ARHGAP26: variants seen among roughly 807,000 people sequenced by gnomAD.
The protein encoded by ARHGAP26 is rho GTPase-activating protein 26.
ARHGAP26 carries 38 observed loss-of-function variants against 104.8 expected under a neutral mutation model. The observed-to-expected ratio is 0.36, with a 90% CI of 0.28 to 0.48. The LOEUF (loss-of-function observed/expected upper bound fraction) is 0.48. Ranked by LOEUF, ARHGAP26 falls within the 20% of genes least tolerant of loss-of-function variation. The pLI, the probability that ARHGAP26 is intolerant of heterozygous loss-of-function variation, is 0.99. For missense variants in ARHGAP26, 704 were observed against 947.9 expected (o/e 0.74, Z 3.38); for synonymous variants, 341 against 340.0 (o/e 1.00, Z -0.03).
chr5:143,134,226 A>G, intron 19 of ARHGAP26, 121 bp downstream of exon 19: 1 of 1,222,016 alleles, frequency 8.2e-7, no homozygotes, highest in South Asian at 2.0e-5. Context: ...GTCCTTGAAG[A>G]CTGTATCATT....
intron 17 of ARHGAP26, among the ~76,000 whole-genome samples, chr5:143,066,531 T>C (rs1787516552): frequency 6.6e-6 from 1 of 152,220 alleles, no homozygotes; most frequent in African/African-American, 2.4e-5. Flanking sequence ...TACAATCTGT[T>C]GGAGAAATCC....
At chr5:143,175,900 G>T (rs746944819) in intron 20 of ARHGAP26, among the ~76,000 whole-genome samples, 2 of 152,142 alleles carry the variant, frequency 1.3e-5, no homozygotes, top group African/African-American at 2.4e-5. Context: ...GATCAACTGA[G>T]GTCAGGAGTT....
intron 1 of ARHGAP26, among the ~76,000 whole-genome samples, chr5:142,786,739 C>T (rs1399333572): frequency 3.4e-5 from 5 of 149,098 alleles, no homozygotes; most frequent in Admixed American, 2.7e-4. Flanking sequence ...CTCCGCCTCC[C>T]GGGCTGAAGC....
chr5:142,902,101 A>T (rs1227559987), intron 7 of ARHGAP26, 62 bp downstream of exon 7: 12 of 1,447,064 alleles, frequency 8.3e-6, no homozygotes, highest in Non-Finnish European at 1.2e-5. Flanking sequence ...TATGGGCCTG[A>T]TTGCCCTAGA....
intron 12 of ARHGAP26, among the ~76,000 whole-genome samples, chr5:143,026,706 C>T (rs1052513273): frequency 1.3e-5 from 2 of 150,504 alleles, no homozygotes; most frequent in Admixed American, 1.3e-4. Flanking sequence ...GAAGAGAAGT[C>T]ACTGGAGAGT....
intron 1 of ARHGAP26, among the ~76,000 whole-genome samples, chr5:142,792,635 C>T (rs1760093643): frequency 6.6e-6 from 1 of 152,132 alleles, no homozygotes; most frequent in Non-Finnish European, 1.5e-5. Context: ...ATCTCTATCC[C>T]CATTGACTTC....
At chr5:143,213,847 C>T (rs552018737) in intron 21 of ARHGAP26, 150 bp from the exon 22 acceptor site, 33 of 458,400 alleles carry the variant, frequency 7.2e-5, no homozygotes, top group East Asian at 6.9e-4. Context: ...GCTTTCCCAC[C>T]TCATGTCTTG....
intron 1 of ARHGAP26, among the ~76,000 whole-genome samples, chr5:142,821,825 G>T (rs1766254873): frequency 6.6e-6 from 1 of 152,160 alleles, no homozygotes; most frequent in Non-Finnish European, 1.5e-5. Context: ...GGTGCCTCTG[G>T]TAAGTGTAAT....
intron 10 of ARHGAP26, among the ~76,000 whole-genome samples, chr5:142,931,336 G>T (rs1245628406): frequency 6.6e-6 from 1 of 152,132 alleles, no homozygotes; most frequent in African/African-American, 2.4e-5. Flanking sequence ...TTTTCTTGCG[G>T]AGTACCATTT....
At chr5:142,958,762 GA>G (rs1472917314) in intron 11 of ARHGAP26, among the ~76,000 whole-genome samples, 1 of 151,788 alleles carries the variant, frequency 6.6e-6, no homozygotes, top group Non-Finnish European at 1.5e-5. Flanking sequence ...TGGGAAAAAT[GA>G]GTGTCATTAG....
At chr5:142,964,583 A>G (rs1455795621) in intron 11 of ARHGAP26, among the ~76,000 whole-genome samples, 1 of 126,672 alleles carries the variant, frequency 7.9e-6, no homozygotes, top group Non-Finnish European at 1.6e-5. Context: ...AAACAACAAC[A>G]GCAGCAAAAA....
At chr5:143,057,973 AC>A (rs1786093499) in intron 17 of ARHGAP26, 2 of 669,918 alleles carry the variant, frequency 3.0e-6, no homozygotes, top group Non-Finnish European at 5.6e-6. Context: ...CAACCAGGCC[AC>A]CAAGCAGAGT....
chr5:143,090,629 G>C (rs1426765178), intron 17 of ARHGAP26, among the ~76,000 whole-genome samples: 2 of 152,178 alleles, frequency 1.3e-5, no homozygotes, highest in Admixed American at 6.5e-5. Context: ...TTAGAAAAGG[G>C]GGAGAACTTG....
chr5:142,772,968 G>A (rs1561814401), intron 1 of ARHGAP26: 3 of 515,288 alleles, frequency 5.8e-6, no homozygotes, highest in Non-Finnish European at 8.0e-6. Flanking sequence ...CTAATGGAAT[G>A]GATCAGCCCT....
chr5:143,139,305 T>C (rs1442107001), intron 19 of ARHGAP26, among the ~76,000 whole-genome samples: 2 of 152,210 alleles, frequency 1.3e-5, no homozygotes, highest in East Asian at 3.8e-4. Context: ...GGTAGGTTCT[T>C]ATATCCACAT....
At chr5:142,804,666 A>G (rs940850207) in intron 1 of ARHGAP26, among the ~76,000 whole-genome samples, 2 of 151,852 alleles carry the variant, frequency 1.3e-5, no homozygotes, top group East Asian at 3.9e-4. Flanking sequence ...TAATTTTTGT[A>G]TTTTTAGTAG....
At chr5:142,952,591 A>T (rs1409967754) in intron 11 of ARHGAP26, among the ~76,000 whole-genome samples, 1 of 152,108 alleles carries the variant, frequency 6.6e-6, no homozygotes, top group Non-Finnish European at 1.5e-5. Flanking sequence ...TGGACCTGAC[A>T]GTTCTGTGGA....
chr5:142,939,839 A>G (rs1765980627), intron 11 of ARHGAP26, among the ~76,000 whole-genome samples: 1 of 152,222 alleles, frequency 6.6e-6, no homozygotes, highest in Admixed American at 6.5e-5. Flanking sequence ...CCTATATGTA[A>G]ATGCCTGTAC....
chr5:143,012,577 T>TATATATATATATATATAAA lies in ARHGAP26; in HGVS notation c.1108-1501_1108-1500insATATATATATATATAAAAT, dbSNP rs1554195775. ...CATATATATATATATATATATATAT[T>TATATATATATATATATAAA]ATGATCAGGTTCACCTTATGCCTTT... On this transcript the variant is annotated intron_variant, in intron 11 of 22. Transcript: ENST00000645722. Among the ~76,000 whole-genome samples the TATATATATATATATATAAA allele has an allele frequency of 4.4e-3, 83 of 19,080 alleles. 3 individuals are homozygous for TATATATATATATATATAAA. In the East Asian group the frequency reaches 0.048, roughly 11 times the overall value. 12.5% of individuals were successfully genotyped at this position (19,080 alleles called of 152,430 possible). A position where few individuals can be genotyped will look rare whatever the true frequency, so the allele number is the denominator to read the frequency against.
Sources: allele counts gnomAD v4.1 joint callset (sites outside exome capture counted in the v4.1 genomes callset), GRCh38; gene constraint gnomAD v4.1.1; transcripts MANE v1.5; gene names NCBI Gene and HGNC (gene_info 2026-07-23, HGNC 2026-07-21).